RIPOR2: variants seen among roughly 807,000 people sequenced by gnomAD.
The protein encoded by RIPOR2 is RHO family interacting cell polarization regulator 2, also known as rho family-interacting cell polarization regulator 2.
In RIPOR2, 39 loss-of-function variants were observed where a neutral mutation model predicts 114.5. The observed-to-expected ratio is 0.34, with a 90% confidence interval of 0.26 to 0.44. The LOEUF (loss-of-function observed/expected upper bound fraction) is 0.44. Among genes scored for constraint, RIPOR2 ranks in the 20% least tolerant of loss-of-function variants. RIPOR2 has a pLI of 1.00. For missense variants in RIPOR2, 1,007 were observed against 1,255.1 expected, an observed-to-expected ratio of 0.80 and a Z score of 2.99; for synonymous variants, 445 against 484.4, an observed-to-expected ratio of 0.92 and a Z score of 1.07.
intron 1 of RIPOR2, among the ~76,000 whole-genome samples, chr6:25,028,769 C>A (rs1456870104): frequency 6.6e-6 from 1 of 152,200 alleles, no homozygotes; most frequent in Non-Finnish European, 1.5e-5. Context: ...GAAATCACTT[C>A]CACCACTAAG....
intron 1 of RIPOR2, among the ~76,000 whole-genome samples, chr6:24,942,548 A>G (rs1273725552): frequency 1.3e-5 from 2 of 152,166 alleles, no homozygotes; most frequent in Non-Finnish European, 1.5e-5. Context: ...AAGTGCTCCT[A>G]TTTCTCCACA....
chr6:24,947,999 C>CA (rs1276735867), intron 1 of RIPOR2: 2 of 151,888 alleles, frequency 1.3e-5, no homozygotes, highest in South Asian at 2.1e-4. Flanking sequence ...TAATACTCAC[C>CA]AAAAAATTAA....
At chr6:24,886,811 A>G (rs529190316) in intron 1 of RIPOR2, among the ~76,000 whole-genome samples, 2 of 152,312 alleles carry the variant, frequency 1.3e-5, no homozygotes, top group Non-Finnish European at 2.9e-5. Context: ...TAGTTGATAC[A>G]TAGTTGGTAA....
At chr6:24,876,518 A>G (rs1562301275) in intron 1 of RIPOR2, among the ~76,000 whole-genome samples, 1 of 152,198 alleles carries the variant, frequency 6.6e-6, no homozygotes, top group Admixed American at 6.5e-5. Flanking sequence ...AACACAGTCA[A>G]GTCTTAAGGC....
chr6:24,976,267 A>T (rs1197941453), intron 1 of RIPOR2, among the ~76,000 whole-genome samples: 2 of 152,238 alleles, frequency 1.3e-5, no homozygotes, highest in African/African-American at 2.4e-5. Context: ...AAATAGTTAC[A>T]TATATTAGAA....
rs146614797 is a variant in RIPOR2, at chr6:24,835,129, C to T, written c.2208+574G>A. 2.2e-4 allele frequency among the ~76,000 whole-genome samples: 34 copies of T among 152,312 alleles called. No homozygotes were observed. In the East Asian group the frequency reaches 6.4e-3, roughly 28 times the overall value. On this transcript the variant is annotated intron_variant, in intron 15 of 21. Transcript: ENST00000643898. ...AACATTTTGCTCCACTGTTGAAAAA[C>T]CTTAAGTGGTAAACAGCTTGAGATG...
At chr6:24,960,046 AG>A (rs1224690213) in intron 1 of RIPOR2, among the ~76,000 whole-genome samples, 1 of 152,202 alleles carries the variant, frequency 6.6e-6, no homozygotes, top group African/African-American at 2.4e-5. Context: ...GGGAGAAAAA[AG>A]GTTGTCCCTC....
chr6:24,846,371 A>G (rs927070607), intron 12 of RIPOR2, among the ~76,000 whole-genome samples: 4 of 146,938 alleles, frequency 2.7e-5, no homozygotes, highest in African/African-American at 5.1e-5. Context: ...CAGTGGTGCA[A>G]TCATAACTCA....
intron 1 of RIPOR2, chr6:24,977,033 G>A: frequency 7.0e-7 from 1 of 1,438,056 alleles, no homozygotes; most frequent in Non-Finnish European, 9.6e-7. Flanking sequence ...TGTAGCTCAG[G>A]AGAGCACCCC....
At chr6:25,023,242 A>G in intron 1 of RIPOR2, 6 of 697,718 alleles carry the variant, frequency 8.6e-6, no homozygotes, top group South Asian at 5.4e-5. Context: ...CTCATTGTAC[A>G]GGGGTCTATT....
chr6:24,954,454 TCC>T (rs1491328888), intron 1 of RIPOR2, among the ~76,000 whole-genome samples: 4,867 of 69,568 alleles, frequency 0.07, 309 homozygotes, highest in African/African-American at 0.15. Context: ...AGTCTCTCTC[TCC>T]TTTTTTTTTT....
Position 24,891,379 on chromosome 6 carries a change from G to A in RIPOR2, c.62-15562C>T, listed in dbSNP as rs183887018. On this transcript the variant is annotated intron_variant, in intron 1 of 21. Transcript: ENST00000643898. ...TTGTCATTAGAATGCAAAGCAGTTA[G>A]GTATAGCTACGTGCAAATATCTAGA... Among the ~76,000 whole-genome samples, 7 of 152,210 alleles carry A rather than the reference G, an allele frequency of 4.6e-5. No individual in the cohort carries two copies. The East Asian group carries it at 1.3e-3, about 29-fold the overall frequency.
At chr6:24,980,173 C>G (rs1774229051) in intron 1 of RIPOR2, among the ~76,000 whole-genome samples, 1 of 152,188 alleles carries the variant, frequency 6.6e-6, no homozygotes, top group African/African-American at 2.4e-5. Flanking sequence ...ACTGTTGCTT[C>G]TAGAGCCATT....
At position 24,970,160 on chromosome 6, in the gene RIPOR2, C is replaced by CCA. The variant is rs1374889570; in HGVS notation, c.76+71690_76+71691insTG. 1.5e-3 allele frequency among the ~76,000 whole-genome samples: 35 copies of CCA among 22,890 alleles called. No individual in the cohort carries two copies. In the South Asian group the frequency reaches 0.022, roughly 14 times the overall value. The allele number at this position is 22,890 out of a possible 152,430, so 15.0% of individuals were successfully genotyped here. On this transcript the variant is annotated intron_variant, in intron 1 of 13. Transcript: ENST00000510784. The stretch of plus-strand genomic sequence containing the variant: ...AAGTTGGAGGGGGAAAGAAAGGGGA[C>CCA]GAAAAAAAAAGGACCAATTGTCAGA...
chr6:24,914,422 T>C (rs1769911433), intron 1 of RIPOR2, among the ~76,000 whole-genome samples: 1 of 152,188 alleles, frequency 6.6e-6, no homozygotes, highest in Admixed American at 6.5e-5. Flanking sequence ...GCAACCCAGG[T>C]GCCAGGCACT....
rs140723946 is a variant in RIPOR2, at chr6:24,902,000, T to C, written c.62-26183A>G. Reference sequence around the variant, plus strand: ...TATCACTGGGACTAAAGTATCGTGATGACTATTCTCAACTGGACCTTGAAC... The same window carrying C: ...TATCACTGGGACTAAAGTATCGTGACGACTATTCTCAACTGGACCTTGAAC... On this transcript the variant is annotated intron_variant, in intron 1 of 21. Transcript: ENST00000643898. Among the ~76,000 whole-genome samples, 155 of 152,314 alleles carry C rather than the reference T, an allele frequency of 1.0e-3. 1 individual carries two copies. Among genetic ancestry groups the C allele is most frequent in the Admixed American group, 2.2e-3 (34 of 15,296 alleles).
chr6:24,854,991 C>T (rs567907009), intron 8 of RIPOR2, among the ~76,000 whole-genome samples: 4 of 132,296 alleles, frequency 3.0e-5, no homozygotes, highest in South Asian at 4.7e-4. Context: ...CATGCCACTG[C>T]ACTTTAGCCT....
intron 1 of RIPOR2, among the ~76,000 whole-genome samples, chr6:24,944,324 T>C (rs1772299889): frequency 1.3e-5 from 2 of 152,154 alleles, no homozygotes; most frequent in South Asian, 4.1e-4. Flanking sequence ...CAAGATTTAT[T>C]GGTCCCAGGC....
intron 1 of RIPOR2, among the ~76,000 whole-genome samples, chr6:24,994,910 C>T (rs1156457683): frequency 6.6e-6 from 1 of 152,186 alleles, no homozygotes; most frequent in East Asian, 1.9e-4. Context: ...TGAACTCTGA[C>T]AGCCAATGGA....
Sources: allele counts gnomAD v4.1 joint callset (sites outside exome capture counted in the v4.1 genomes callset), GRCh38; gene constraint gnomAD v4.1.1; transcripts MANE v1.5; gene names NCBI Gene and HGNC (gene_info 2026-07-23, HGNC 2026-07-21).